NALCN: variants seen among roughly 807,000 people sequenced by gnomAD.
The protein encoded by NALCN is sodium leak channel NALCN.
A neutral mutation model predicts 225.3 loss-of-function variants in NALCN; 111 were observed. The observed-to-expected ratio is 0.49, with a 90% CI of 0.42 to 0.58. The LOEUF is 0.58. Ranked by LOEUF, NALCN falls within the 20% of genes least tolerant of loss-of-function variation. NALCN has a pLI of 0.00. For synonymous variants in NALCN, 764 were observed against 769.0 expected (o/e 0.99, Z 0.11); for missense variants, 1,378 against 2,202.4 (o/e 0.63, Z 7.49).
At chr13:101,227,312 A>C (rs1453960151) in intron 13 of NALCN, among the ~76,000 whole-genome samples, 1 of 152,100 alleles carries the variant, frequency 6.6e-6, no homozygotes, top group African/African-American at 2.4e-5. Context: ...ATCAGCACTT[A>C]AACATCGTAT....
At chr13:101,232,097 C>T (rs1451505061) in intron 12 of NALCN, among the ~76,000 whole-genome samples, 1 of 150,808 alleles carries the variant, frequency 6.6e-6, no homozygotes, top group Non-Finnish European at 1.5e-5. Context: ...ATAGAGAAAA[C>T]CAGCTTAAGA....
chr13:101,085,686 T>C (rs2033895758), intron 30 of NALCN, among the ~76,000 whole-genome samples: 2 of 152,184 alleles, frequency 1.3e-5, no homozygotes, highest in South Asian at 4.1e-4. Flanking sequence ...AATTATGCGC[T>C]GATTAAAAAT....
chr13:101,285,976 A>T (rs1015621279), intron 9 of NALCN, among the ~76,000 whole-genome samples: 1 of 151,638 alleles, frequency 6.6e-6, no homozygotes, highest in South Asian at 2.1e-4. Flanking sequence ...TCTCTCTTAA[A>T]TTTTTTTTTC....
chr13:101,376,608 A>T (rs571436878), intron 6 of NALCN, 92 bp downstream of exon 6: 67 of 1,387,516 alleles, frequency 4.8e-5, no homozygotes, highest in Non-Finnish European at 6.2e-5. Context: ...AGCACTGTTT[A>T]AAAAATCTGA....
intron 1 of NALCN, among the ~76,000 whole-genome samples, chr13:101,414,692 C>T (rs1199033820): frequency 6.6e-6 from 1 of 152,106 alleles, no homozygotes; most frequent in Non-Finnish European, 1.5e-5. Flanking sequence ...TTTTTAAGTA[C>T]ATTTCTCCTT....
intron 30 of NALCN, among the ~76,000 whole-genome samples, chr13:101,085,235 AT>A (rs1272051072): frequency 6.6e-6 from 1 of 152,040 alleles, no homozygotes; most frequent in East Asian, 1.9e-4. Context: ...CTTGGCTTGT[AT>A]TTTTATTTTG....
At chr13:101,160,794 C>A (rs2038144456) in intron 15 of NALCN, among the ~76,000 whole-genome samples, 1 of 152,134 alleles carries the variant, frequency 6.6e-6, no homozygotes, top group Admixed American at 6.5e-5. Context: ...GACTGGCCAG[C>A]ATTGCGAGGC....
intron 11 of NALCN, among the ~76,000 whole-genome samples, chr13:101,246,106 T>G (rs1288219149): frequency 6.6e-6 from 1 of 152,174 alleles, no homozygotes; most frequent in Non-Finnish European, 1.5e-5. Flanking sequence ...TTTCTTTCCT[T>G]GCTTTGCTGT....
chr13:101,392,617 T>G (rs2047177954), intron 3 of NALCN, among the ~76,000 whole-genome samples: 2 of 152,166 alleles, frequency 1.3e-5, no homozygotes, highest in Non-Finnish European at 2.9e-5. Context: ...GTTCACTACC[T>G]CTACTAGTAT....
At chr13:101,070,063 G>GTTTTTTTTTTTTTTTT (rs71121162) in intron 37 of NALCN, among the ~76,000 whole-genome samples, 4 of 98,314 alleles carry the variant, frequency 4.1e-5, no homozygotes, top group Non-Finnish European at 5.5e-5. Context: ...AATCATGAAT[G>GTTTTTTTTTTTTTTTT]TTTTTTTTTT....
At chr13:101,176,151 GTTAAAC>G (rs1322265581) in intron 15 of NALCN, 143 bp downstream of exon 15, 10 of 435,128 alleles carry the variant, frequency 2.3e-5, no homozygotes, top group Middle Eastern at 4.7e-4. Context: ...TTAGATAAAA[GTTAAAC>G]TTAACACCAT....
intron 6 of NALCN, among the ~76,000 whole-genome samples, chr13:101,347,297 T>C (rs1354197911): frequency 6.6e-6 from 1 of 152,122 alleles, no homozygotes; most frequent in African/African-American, 2.4e-5. Context: ...AGCTCATCTG[T>C]CTGCTGGTCT....
At chr13:101,147,966 A>G (rs1345635065) in intron 15 of NALCN, among the ~76,000 whole-genome samples, 1 of 152,152 alleles carries the variant, frequency 6.6e-6, no homozygotes, top group Non-Finnish European at 1.5e-5. Flanking sequence ...CAGTTCCACT[A>G]GAAATTCCTC....
intron 40 of NALCN, among the ~76,000 whole-genome samples, chr13:101,064,318 C>T (rs922962532): frequency 3.9e-5 from 6 of 152,094 alleles, no homozygotes; most frequent in African/African-American, 1.4e-4. Context: ...CTTGCAAGTC[C>T]ATGGGCCTCT....
intron 15 of NALCN, among the ~76,000 whole-genome samples, chr13:101,150,159 AT>A (rs2037571865): frequency 2.0e-5 from 1 of 50,686 alleles, no homozygotes; most frequent in Non-Finnish European, 3.8e-5. Context: ...ATACTGTTGT[AT>A]GTACTCCATT....
chr13:101,200,883 C>A (rs1427072863), intron 13 of NALCN, among the ~76,000 whole-genome samples: 1 of 152,054 alleles, frequency 6.6e-6, no homozygotes, highest in Admixed American at 6.6e-5. Flanking sequence ...AATTTGATGA[C>A]TCAATGCATA....
At chr13:101,289,766 A>T (rs1237603864) in intron 9 of NALCN, among the ~76,000 whole-genome samples, 1 of 152,204 alleles carries the variant, frequency 6.6e-6, no homozygotes, top group Non-Finnish European at 1.5e-5. Flanking sequence ...CCTTCAAATT[A>T]GTAACTTGTG....
At chr13:101,186,790 T>C (rs570124375) in intron 14 of NALCN, among the ~76,000 whole-genome samples, 2 of 152,324 alleles carry the variant, frequency 1.3e-5, no homozygotes, top group East Asian at 3.9e-4. Flanking sequence ...TTAAACAGTA[T>C]ATTTCATCTA....
intron 13 of NALCN, among the ~76,000 whole-genome samples, chr13:101,221,487 T>C (rs1194313029): frequency 1.3e-5 from 2 of 152,170 alleles, no homozygotes; most frequent in African/African-American, 4.8e-5. Context: ...GGACCAACCC[T>C]GACACAGGCT....
Sources: allele counts gnomAD v4.1 joint callset (sites outside exome capture counted in the v4.1 genomes callset), GRCh38; gene constraint gnomAD v4.1.1; transcripts MANE v1.5; gene names NCBI Gene and HGNC (gene_info 2026-07-23, HGNC 2026-07-21).